Variants in IDE observed in about 807,000 individuals in gnomAD.
IDE encodes the protein insulin-degrading enzyme.
In IDE, 58 loss-of-function variants were observed where a neutral mutation model predicts 133.2. The observed-to-expected ratio is 0.44, with a 90% CI of 0.35 to 0.54. The LOEUF is 0.54. Among genes scored for constraint, IDE ranks in the 20% least tolerant of loss-of-function variants. The pLI is 0.00. For synonymous variants in IDE, 396 were observed against 421.3 expected (o/e 0.94, Z 0.73); for missense variants, 981 against 1,234.0 (o/e 0.79, Z 3.07).
At chr10:92,560,633 A>G (rs1473477727) in intron 1 of IDE, among the ~76,000 whole-genome samples, 1 of 152,000 alleles carries the variant, frequency 6.6e-6, no homozygotes, top group East Asian at 1.9e-4. Context: ...AAATACAAAA[A>G]TTAGCCAGGC....
In IDE at chr10:92,504,807, G is replaced by A. The variant is rs1202277396; in HGVS notation, c.1417C>T (p.Pro473Ser). ...LIEMVLDKLRPENVRVAIVSK... is the reference protein window; with the variant it reads ...LIEMVLDKLRSENVRVAIVSK... The stretch of plus-strand genomic sequence containing the variant: ...ATGGTGACTCACCGGACATTTTCTG[G>A]TCTGAGTTTATCGAGAACCATCTCT... Residue 473 changes from proline (P) to serine (S), a missense_variant, in exon 11 of 25, where the codon CCA becomes TCA. By Grantham distance (74) the Pro-to-Ser change is moderately conservative. Coordinates refer to ENST00000265986, the MANE Select transcript of IDE (RefSeq NM_004969.4). 2 of 1,573,824 alleles carry A rather than the reference G, an allele frequency of 1.3e-6. No homozygotes were observed. Among genetic ancestry groups the A allele is most frequent in the Non-Finnish European group, 1.7e-6 (2 of 1,147,176 alleles).
chr10:92,540,716 G>A (rs1299470822), intron 1 of IDE, among the ~76,000 whole-genome samples: 1 of 152,104 alleles, frequency 6.6e-6, no homozygotes, highest in African/African-American at 2.4e-5. Flanking sequence ...ACTGTGTAGA[G>A]GGGAGATGAA....
chr10:92,483,845 G>A (rs983939807), intron 13 of IDE, among the ~76,000 whole-genome samples: 7 of 152,132 alleles, frequency 4.6e-5, no homozygotes, highest in African/African-American at 1.2e-4. Flanking sequence ...AAAAGACACC[G>A]CGGCTTGCAT....
At chr10:92,564,891 T>TA (rs998398392) in intron 1 of IDE, among the ~76,000 whole-genome samples, 24 of 151,592 alleles carry the variant, frequency 1.6e-4, no homozygotes, top group African/African-American at 5.8e-4. Flanking sequence ...ACCCCATCTC[T>TA]AAAAAAATAA....
chr10:92,489,132 T>C (rs966156991), intron 12 of IDE, among the ~76,000 whole-genome samples: 4 of 152,182 alleles, frequency 2.6e-5, no homozygotes, highest in African/African-American at 7.2e-5. Context: ...TTTGTGACTT[T>C]CGGCACTGGG....
Position 92,529,643 on chromosome 10 carries a change from G to C in IDE, c.661+2105C>G, listed in dbSNP as rs574062717. The stretch of plus-strand genomic sequence containing the variant: ...GTAATCTCAGCACTTTGGGAGGCGA[G>C]GCAGGAAGAATACTTGAGGCCAGGC... On this transcript the variant is annotated intron_variant, in intron 4 of 24. Coordinates refer to ENST00000265986, the MANE Select transcript of IDE (RefSeq NM_004969.4). Among the ~76,000 whole-genome samples, 11 of 151,776 alleles carry C rather than the reference G, an allele frequency of 7.2e-5. No homozygotes were observed. In the South Asian group the frequency reaches 2.1e-3, roughly 29 times the overall value.
intron 4 of IDE, among the ~76,000 whole-genome samples, chr10:92,518,277 G>A (rs1849036425): frequency 6.6e-6 from 1 of 152,084 alleles, no homozygotes; most frequent in Admixed American, 6.6e-5. Context: ...TGATTCTCCT[G>A]GGGCCAGATA....
intron 22 of IDE, among the ~76,000 whole-genome samples, chr10:92,459,824 CTTTTTTTTT>C (rs901315055): frequency 3.2e-5 from 3 of 92,782 alleles, no homozygotes; most frequent in Non-Finnish European, 6.1e-5. Flanking sequence ...GTGTGAACCT[CTTTTTTTTT>C]TTTTTTTTTT....
chr10:92,488,370 T>C (rs1308381205), intron 12 of IDE, among the ~76,000 whole-genome samples: 1 of 152,192 alleles, frequency 6.6e-6, no homozygotes, highest in Non-Finnish European at 1.5e-5. Context: ...GTGCTAGGAT[T>C]ACAGACATCA....
chr10:92,495,978 G>A (rs887871620), intron 11 of IDE, among the ~76,000 whole-genome samples: 3 of 151,894 alleles, frequency 2.0e-5, no homozygotes, highest in Non-Finnish European at 2.9e-5. Flanking sequence ...GGGTTCAAGC[G>A]ATTTCCATGC....
chr10:92,500,844 CA>C (rs1343743168), intron 11 of IDE, among the ~76,000 whole-genome samples: 1 of 150,586 alleles, frequency 6.6e-6, no homozygotes, highest in East Asian at 1.9e-4. Context: ...AAAGGAAAAA[CA>C]GCCTGGCCAA....
chr10:92,524,384 A>ATATATTTTATATAATATATAATATATAT (rs1849437578), intron 4 of IDE, among the ~76,000 whole-genome samples: 1 of 88,830 alleles, frequency 1.1e-5, no homozygotes, highest in Non-Finnish European at 2.0e-5. Context: ...ATTATATATA[A>ATATATTTTATATAATATATAATATATAT]TATATTTTAT....
At chr10:92,543,373 C>T (rs1442847612) in intron 1 of IDE, among the ~76,000 whole-genome samples, 1 of 152,166 alleles carries the variant, frequency 6.6e-6, no homozygotes, top group Admixed American at 6.5e-5. Context: ...ATGCTTAAGA[C>T]CATATACCCC....
chr10:92,563,048 C>T lies in IDE; in HGVS notation c.98+10874G>A, dbSNP rs545946356. Among the ~76,000 whole-genome samples the T allele has an allele frequency of 2.6e-4, 39 of 152,174 alleles. 1 individual carries two copies. The South Asian group carries it at 7.7e-3, about 30-fold the overall frequency. On this transcript the variant is annotated intron_variant, in intron 1 of 24. Transcript: ENST00000265986. Reference sequence around the variant, plus strand: ...GACAGATCAACTGAAGTCAGGCGTTCGAGACCAGCCTGGCCAACATGGTGA... The same window carrying T: ...GACAGATCAACTGAAGTCAGGCGTTTGAGACCAGCCTGGCCAACATGGTGA...
intron 12 of IDE, 144 bp downstream of exon 12, chr10:92,490,349 T>G: frequency 3.1e-6 from 2 of 652,362 alleles, no homozygotes; most frequent in Non-Finnish European, 5.5e-6. Flanking sequence ...GCTCCCTATC[T>G]ACTTGTTGAT....
intron 4 of IDE, among the ~76,000 whole-genome samples, chr10:92,526,576 T>C (rs1029674482): frequency 6.6e-6 from 1 of 152,120 alleles, no homozygotes; most frequent in Non-Finnish European, 1.5e-5. Context: ...CTGGGCATGA[T>C]GGTTCATGCC....
chr10:92,537,436 A>C lies in IDE; in HGVS notation c.213T>G (p.Asn71Lys). 1 of 1,614,142 alleles carries C rather than the reference A, an allele frequency of 6.2e-7. No homozygotes were observed. Among genetic ancestry groups the C allele is most frequent in the East Asian group, 2.2e-5 (1 of 44,870 alleles). Residue 71 changes from asparagine to lysine, a missense_variant, in exon 2 of 25, where the codon AAT becomes AAG. By Grantham distance (94) the Asn-to-Lys change is moderately conservative. Around this residue, in one of 2 missense-constraint regions of IDE, gnomAD observed 321 missense variants for 339.3 expected, o/e 0.95. Coordinates refer to ENST00000265986, the MANE Select transcript of IDE (RefSeq NM_004969.4). ...CACTGATAAGAAGTACTTTGATACC[A>C]TTGGCCAGCTCTAGCCCTCGATATT... ...KREYRGLELA[N>K]GIKVLLISDP...
chr10:92,507,703 C>A (rs1287733965), intron 8 of IDE, 37 bp from the exon 9 acceptor site: 1 of 1,101,278 alleles, frequency 9.1e-7, no homozygotes, highest in Admixed American at 1.7e-5. Context: ...CCATTCAGTC[C>A]TTGAATCCTT....
intron 14 of IDE, among the ~76,000 whole-genome samples, chr10:92,482,142 C>G (rs1846648172): frequency 6.6e-6 from 1 of 152,144 alleles, no homozygotes; most frequent in Admixed American, 6.6e-5. Flanking sequence ...CTTTCCAAAG[C>G]ATTTAAACCT....
Sources: gnomAD v4.1 joint callset for allele counts (sites outside exome capture counted in the v4.1 genomes callset) on GRCh38, gnomAD v4.1.1 for gene constraint, gnomAD v4.1.1 regional missense constraint, MANE v1.5 for transcripts, NCBI Gene and HGNC (gene_info 2026-07-23, HGNC 2026-07-21) for gene names.